ANKDD1B: variants seen among roughly 807,000 people sequenced by gnomAD.
ANKDD1B encodes the protein ankyrin repeat and death domain containing 1B.
A neutral mutation model predicts 59.7 loss-of-function variants in ANKDD1B; 57 were observed. That is an observed-to-expected ratio of 0.95 (90% CI 0.77 to 1.19). The LOEUF is 1.19. ANKDD1B is among the 50% of genes most tolerant of loss of function. The pLI, the probability that ANKDD1B is intolerant of heterozygous loss-of-function variation, is 0.00. For missense variants in ANKDD1B, 602 were observed against 641.9 expected, an observed-to-expected ratio of 0.94 and a Z score of 0.67; for synonymous variants, 216 against 239.5, an observed-to-expected ratio of 0.90 and a Z score of 0.91.
At position 75,616,910 on chromosome 5, in the gene ANKDD1B, GAGT is replaced by G; in HGVS notation, c.297+6_297+8del. ...TTAACATTAATGTTGTGAACAATGT[GAGT>G]AGAAGTCATAAATATGACAAGTGAC... On this transcript the variant is annotated splice_donor_5th_base_variant and intron_variant, in intron 2 of 13. Transcript: ENST00000601380. 7.0e-7 allele frequency: 1 copy of G among 1,419,424 alleles called. No individual in the cohort carries two copies. The highest frequency in any genetic ancestry group is 9.6e-7 in the Non-Finnish European group (1 of 1,044,770). The allele number at this position is 1,419,424 out of a possible 1,614,324, so 87.9% of individuals were successfully genotyped here. A position where few individuals can be genotyped will look rare whatever the true frequency, so the allele number is the denominator to read the frequency against.
intron 12 of ANKDD1B, 121 bp downstream of exon 12, chr5:75,667,114 G>T: frequency 1.7e-6 from 1 of 600,222 alleles, no homozygotes. Flanking sequence ...TCTTCAAGGG[G>T]CCCAGGAATA....
intron 5 of ANKDD1B, among the ~76,000 whole-genome samples, chr5:75,628,961 A>G (rs1252591772): frequency 6.6e-6 from 1 of 152,232 alleles, no homozygotes; most frequent in African/African-American, 2.4e-5. Flanking sequence ...CGCCATTCAT[A>G]TATTTGTTGA....
rs752264760 is a variant in ANKDD1B, at chr5:75,653,217, G to A, written c.874G>A (p.Val292Ile). The change falls in exon 8 of 14, where the codon GTT becomes ATT. Residue 292 changes from valine to isoleucine, a missense_variant. Physicochemically the swap from Val to Ile is conservative, Grantham distance 29 (BLOSUM62 3). This residue lies in a region of ANKDD1B where 280 missense variants were observed against 319.8 expected (regional missense o/e 0.88). Coordinates refer to ENST00000601380, the MANE Select transcript of ANKDD1B (RefSeq NM_001276713.2). ...SLVNFLLSENVDLHQKVEPKE... is the reference protein window; with the variant it reads ...SLVNFLLSENIDLHQKVEPKE... ...TGTCAACTTTCTTCTCAGTGAGAAC[G>A]TTGATCTGCACCAGAAAGTGGAAGT... The A allele has an allele frequency of 4.9e-5, 76 of 1,535,914 alleles. No homozygotes were observed. The Middle Eastern group carries it at 5.0e-4, about 10-fold the overall frequency.
intron 9 of ANKDD1B, among the ~76,000 whole-genome samples, chr5:75,657,848 A>T (rs547246064): frequency 6.6e-5 from 10 of 151,546 alleles, no homozygotes; most frequent in African/African-American, 1.7e-4. Context: ...GTGAGCTGAG[A>T]TCGCCACCAC....
chr5:75,652,319 C>T (rs1774854565), intron 7 of ANKDD1B, among the ~76,000 whole-genome samples: 1 of 152,124 alleles, frequency 6.6e-6, no homozygotes, highest in African/African-American at 2.4e-5. Flanking sequence ...CACGTGTTCC[C>T]TAGGGCTCTG....
At chr5:75,614,319 A>G (rs1423373904) in intron 1 of ANKDD1B, among the ~76,000 whole-genome samples, 3 of 152,192 alleles carry the variant, frequency 2.0e-5, no homozygotes, top group Non-Finnish European at 4.4e-5. Flanking sequence ...AGGGAACCCA[A>G]ATCTTTTGTA....
intron 3 of ANKDD1B, among the ~76,000 whole-genome samples, chr5:75,624,149 G>A (rs1773927714): frequency 6.6e-6 from 1 of 152,170 alleles, no homozygotes; most frequent in Non-Finnish European, 1.5e-5. Context: ...TGAGGAAATG[G>A]ATTACTTTTT....
At chr5:75,663,370 A>AT (rs1194085177) in intron 10 of ANKDD1B, 24 bp from the exon 11 acceptor site, 10 of 1,519,900 alleles carry the variant, frequency 6.6e-6, no homozygotes, top group Non-Finnish European at 7.1e-6. Context: ...TATCACCTGA[A>AT]TTTTTTTTCT....
At chr5:75,639,701 G>A (rs1228368378) in intron 7 of ANKDD1B, among the ~76,000 whole-genome samples, 1 of 152,192 alleles carries the variant, frequency 6.6e-6, no homozygotes, top group African/African-American at 2.4e-5. Context: ...TGTCCAAGGA[G>A]GGAAATCATT....
intron 9 of ANKDD1B, among the ~76,000 whole-genome samples, chr5:75,657,785 A>G (rs1775014044): frequency 6.6e-6 from 1 of 151,968 alleles, no homozygotes; most frequent in African/African-American, 2.4e-5. Context: ...AATCCCAGCT[A>G]CTTGGGAGAC....
In ANKDD1B at chr5:75,662,360, T is replaced by TAAGCTCCC. The variant is rs1236937453; in HGVS notation, c.1096-1034_1096-1033insAAGCTCCC. On this transcript the variant is annotated intron_variant, in intron 10 of 13. Transcript: ENST00000601380. ...GCCCTAATTTTCCTGCTCCCCTGGG[T>TAAGCTCCC]CTTAGTGCCTAGACTAAGAACCAAA... 3.3e-5 allele frequency among the ~76,000 whole-genome samples: 5 copies of TAAGCTCCC among 152,278 alleles called. No individual in the cohort carries two copies. The East Asian group carries it at 9.7e-4, about 29-fold the overall frequency.
chr5:75,663,479 C>G lies in ANKDD1B; in HGVS notation c.1181C>G (p.Ala394Gly). 1 of 1,536,238 alleles carries G rather than the reference C, an allele frequency of 6.5e-7. No individual in the cohort carries two copies. The highest frequency in any genetic ancestry group is 2.4e-5 in the East Asian group (1 of 40,916). Residue 394 changes from alanine (A) to glycine (G), a missense_variant, in exon 11 of 14, where the codon GCC becomes GGC. Physicochemically the swap from Ala to Gly is moderately conservative, Grantham distance 60. Coordinates refer to ENST00000601380, the MANE Select transcript of ANKDD1B (RefSeq NM_001276713.2). ...GMLIKAERYY[A>G]WREEHHESIR... ...CTCATTAAAGCAGAGAGATACTACGCCTGGAGAGAGGTAAGGAAGGACGAT... is the reference window on the plus strand; with the variant it reads ...CTCATTAAAGCAGAGAGATACTACGGCTGGAGAGAGGTAAGGAAGGACGAT...
At chr5:75,665,757 C>T (rs566689239) in intron 11 of ANKDD1B, among the ~76,000 whole-genome samples, 18 of 152,172 alleles carry the variant, frequency 1.2e-4, no homozygotes, top group Admixed American at 2.6e-4. Context: ...GTTTCTGATG[C>T]TGTGAAGGAT....
At chr5:75,635,113 T>G (rs1258498643) in intron 6 of ANKDD1B, 117 bp downstream of exon 6, 1 of 647,884 alleles carries the variant, frequency 1.5e-6, no homozygotes, top group African/African-American at 1.8e-5. Flanking sequence ...GCAGGAGAGT[T>G]AAATTGCTAC....
At chr5:75,625,248 T>C (rs1344969494) in intron 3 of ANKDD1B, among the ~76,000 whole-genome samples, 1 of 152,200 alleles carries the variant, frequency 6.6e-6, no homozygotes, top group Admixed American at 6.5e-5. Context: ...CTTCATGCAT[T>C]AGAGAATAAC....
intron 7 of ANKDD1B, 149 bp from the exon 8 acceptor site, chr5:75,652,993 A>T: frequency 1.6e-6 from 1 of 640,230 alleles, no homozygotes; most frequent in African/African-American, 1.8e-5. Context: ...GACCACTTCA[A>T]GTCTGTCATT....
At chr5:75,630,938 T>C (rs1774136657) in intron 5 of ANKDD1B, among the ~76,000 whole-genome samples, 1 of 152,206 alleles carries the variant, frequency 6.6e-6, no homozygotes, top group Admixed American at 6.5e-5. Context: ...AAATAATCTG[T>C]CATTAAATGT....
At chr5:75,659,827 T>C (rs559482606) in intron 10 of ANKDD1B, among the ~76,000 whole-genome samples, 1 of 152,328 alleles carries the variant, frequency 6.6e-6, no homozygotes, top group African/African-American at 2.4e-5. Context: ...CTCCTTCCTT[T>C]TTAGACACTG....
At chr5:75,633,829 G>T (rs1774228351) in intron 5 of ANKDD1B, among the ~76,000 whole-genome samples, 1 of 152,202 alleles carries the variant, frequency 6.6e-6, no homozygotes. Context: ...CATGAGGGTG[G>T]ATCTTTCATG....
Sources: allele counts gnomAD v4.1 joint callset (sites outside exome capture counted in the v4.1 genomes callset), GRCh38; gene constraint gnomAD v4.1.1; regional missense constraint gnomAD v4.1.1; transcripts MANE v1.5; gene names NCBI Gene and HGNC (gene_info 2026-07-23, HGNC 2026-07-21).